The following SUCLG2 variants were observed in gnomAD, a reference collection of about 807,000 sequenced individuals.
The protein encoded by SUCLG2 is succinate-CoA ligase GDP-forming subunit beta, also known as succinate--CoA ligase [GDP-forming] subunit beta, mitochondrial.
Under a neutral mutation model 47.9 loss-of-function variants are expected in SUCLG2, and 42 were observed. The observed-to-expected ratio is 0.88, with a 90% CI of 0.69 to 1.14. The LOEUF (loss-of-function observed/expected upper bound fraction) is 1.14, where lower values mean the gene tolerates loss of function less well. SUCLG2 is among the 50% of genes most tolerant of loss of function. The pLI, the probability that SUCLG2 is intolerant of heterozygous loss-of-function variation, is 0.00. For missense variants in SUCLG2, 571 were observed against 525.9 expected (o/e 1.09, Z -0.84); for synonymous variants, 195 against 197.3 (o/e 0.99, Z 0.10).
At chr3:67,407,116 A>G (rs1702830761) in intron 9 of SUCLG2, among the ~76,000 whole-genome samples, 1 of 152,198 alleles carries the variant, frequency 6.6e-6, no homozygotes, top group Admixed American at 6.5e-5. Flanking sequence ...CATGAAAGCA[A>G]TCATAGACAA....
At chr3:67,399,043 G>A (rs1346192568) in intron 10 of SUCLG2, among the ~76,000 whole-genome samples, 4 of 147,538 alleles carry the variant, frequency 2.7e-5, no homozygotes, top group South Asian at 2.3e-4. Flanking sequence ...AGGGGGGAAG[G>A]ATAGCATTAG....
chr3:67,431,488 C>A (rs991378537), intron 9 of SUCLG2, among the ~76,000 whole-genome samples: 25 of 152,154 alleles, frequency 1.6e-4, no homozygotes, highest in African/African-American at 5.8e-4. Context: ...GGAACCAACC[C>A]AAATGTCCAT....
At chr3:67,507,126 A>G (rs971095447) in intron 7 of SUCLG2, among the ~76,000 whole-genome samples, 7 of 152,212 alleles carry the variant, frequency 4.6e-5, no homozygotes, top group Non-Finnish European at 8.8e-5. Flanking sequence ...TGTCTGGCAT[A>G]TAAGCTCAAG....
intron 8 of SUCLG2, among the ~76,000 whole-genome samples, chr3:67,496,940 T>C (rs1705359381): frequency 6.6e-6 from 1 of 152,164 alleles, no homozygotes; most frequent in Non-Finnish European, 1.5e-5. Context: ...TTACACAGAA[T>C]CTTAAAACAA....
intron 2 of SUCLG2, among the ~76,000 whole-genome samples, chr3:67,580,101 A>G (rs889443891): frequency 1.3e-5 from 2 of 152,220 alleles, no homozygotes; most frequent in African/African-American, 4.8e-5. Flanking sequence ...TTTCTTAATT[A>G]TGTTACTACT....
intron 1 of SUCLG2, among the ~76,000 whole-genome samples, chr3:67,646,236 C>T (rs1332611067): frequency 6.6e-6 from 1 of 152,128 alleles, no homozygotes; most frequent in African/African-American, 2.4e-5. Context: ...CTCCACAGGC[C>T]TCCCGACTTC....
At chr3:67,387,862 A>T (rs1323871787) in intron 10 of SUCLG2, among the ~76,000 whole-genome samples, 3 of 152,120 alleles carry the variant, frequency 2.0e-5, no homozygotes, top group Non-Finnish European at 4.4e-5. Context: ...TTAGTTAATT[A>T]GTATATTAGT....
chr3:67,469,984 G>A (rs561973788), intron 9 of SUCLG2, among the ~76,000 whole-genome samples: 1 of 150,038 alleles, frequency 6.7e-6, no homozygotes, highest in South Asian at 2.1e-4. Flanking sequence ...GGTGGAGGTT[G>A]CAAAGTGCCA....
At chr3:67,505,757 T>A (rs1705618851) in intron 7 of SUCLG2, among the ~76,000 whole-genome samples, 1 of 151,922 alleles carries the variant, frequency 6.6e-6, no homozygotes, top group Non-Finnish European at 1.5e-5. Flanking sequence ...AGGTCAGGAG[T>A]TCGAGACCAG....
At chr3:67,602,416 C>T (rs1708440206) in intron 2 of SUCLG2, among the ~76,000 whole-genome samples, 1 of 152,144 alleles carries the variant, frequency 6.6e-6, no homozygotes, top group African/African-American at 2.4e-5. Flanking sequence ...CCACAACCCG[C>T]CTTGATCTCG....
chr3:67,383,808 A>G (rs569446894), intron 10 of SUCLG2, among the ~76,000 whole-genome samples: 13 of 152,302 alleles, frequency 8.5e-5, no homozygotes, highest in African/African-American at 2.4e-4. Context: ...TTAATATTAA[A>G]CAAGAATGGA....
chr3:67,486,758 A>G (rs1378300533), intron 9 of SUCLG2, among the ~76,000 whole-genome samples: 1 of 152,138 alleles, frequency 6.6e-6, no homozygotes, highest in East Asian at 1.9e-4. Flanking sequence ...AAGGACAAAA[A>G]TGCAAAAAAC....
chr3:67,528,361 G>T, intron 3 of SUCLG2, 139 bp from the exon 4 acceptor site: 2 of 739,640 alleles, frequency 2.7e-6, no homozygotes, highest in Non-Finnish European at 4.5e-6. Flanking sequence ...TTCTGCTTAT[G>T]TGCTGCGTGT....
chr3:67,434,568 A>C (rs1703569648), intron 9 of SUCLG2, among the ~76,000 whole-genome samples: 1 of 152,180 alleles, frequency 6.6e-6, no homozygotes, highest in Non-Finnish European at 1.5e-5. Flanking sequence ...ATCTGCTTTT[A>C]AATATTGTAC....
chr3:67,473,516 G>C (rs1429079920), intron 9 of SUCLG2, among the ~76,000 whole-genome samples: 1 of 152,076 alleles, frequency 6.6e-6, no homozygotes, highest in African/African-American at 2.4e-5. Context: ...TTTAGAGACT[G>C]TTAAAAATAA....
intron 1 of SUCLG2, among the ~76,000 whole-genome samples, chr3:67,651,719 C>G (rs554951546): frequency 7.2e-5 from 11 of 152,148 alleles, no homozygotes; most frequent in Non-Finnish European, 1.3e-4. Context: ...GAAAATTCAT[C>G]AAGTTGTTCA....
chr3:67,607,842 T>C (rs983962129), intron 2 of SUCLG2, among the ~76,000 whole-genome samples: 17 of 152,190 alleles, frequency 1.1e-4, no homozygotes, highest in African/African-American at 3.9e-4. Context: ...CAAGTTCTCG[T>C]CTGCCACCAT....
chr3:67,367,954 AAC>A lies in SUCLG2; in HGVS notation c.1184-7188_1184-7187del, dbSNP rs374121659. Among the ~76,000 whole-genome samples, 27 of 152,334 alleles carry A rather than the reference AAC, an allele frequency of 1.8e-4. No homozygotes were observed. In the East Asian group the frequency reaches 3.5e-3, roughly 20 times the overall value. On this transcript the variant is annotated intron_variant, in intron 10 of 10. Transcript: ENST00000493112. ...CTTCTCTTTTGCAGCATATATTATG[AAC>A]ATTCTTTCACAAAAACGTATATGTT... is the stretch of plus-strand genomic sequence containing the variant.
At chr3:67,382,173 T>C (rs1417939010) in intron 10 of SUCLG2, among the ~76,000 whole-genome samples, 1 of 152,194 alleles carries the variant, frequency 6.6e-6, no homozygotes, top group African/African-American at 2.4e-5. Context: ...GTTGGATACA[T>C]GAGTTAAGGG....
Sources: allele counts gnomAD v4.1 joint callset (sites outside exome capture counted in the v4.1 genomes callset), GRCh38; gene constraint gnomAD v4.1.1; transcripts MANE v1.5; gene names NCBI Gene and HGNC (gene_info 2026-07-23, HGNC 2026-07-21).